RNF139: variants seen among roughly 807,000 people sequenced by gnomAD.
RNF139 encodes the protein ring finger protein 139, also known as E3 ubiquitin-protein ligase RNF139.
A neutral mutation model predicts 49.5 loss-of-function variants in RNF139; 15 were observed. The observed-to-expected ratio is 0.30, with a 90% CI of 0.20 to 0.47. The LOEUF is 0.47. RNF139 is among the 20% of genes least tolerant of loss of function. The pLI is 1.00. For synonymous variants in RNF139, 325 were observed against 300.9 expected (o/e 1.08, Z -0.83); for missense variants, 619 against 806.3 (o/e 0.77, Z 2.81).
At chr8:124,482,899 C>T (rs907881430) in intron 1 of RNF139, among the ~76,000 whole-genome samples, 1 of 135,598 alleles carries the variant, frequency 7.4e-6, no homozygotes, top group Admixed American at 8.1e-5. Flanking sequence ...GCACTCCAGC[C>T]TGGGCAACAG....
At position 124,483,095 on chromosome 8, in the gene RNF139, A is replaced by AT. The variant is rs1563631394; in HGVS notation, c.182-2736_182-2735insT. ...ATATTATTTAAATATATATATATTT[A>AT]AAAATATATATATTAAAAATATATA... is the stretch of plus-strand genomic sequence containing the variant. On this transcript the variant is annotated intron_variant, in intron 1 of 1. Transcript: ENST00000303545. Among the ~76,000 whole-genome samples the AT allele has an allele frequency of 5.6e-3, 17 of 3,050 alleles. 1 individual carries two copies. The highest frequency in any genetic ancestry group is 0.01 in the Admixed American group (2 of 200). The allele number at this position is 3,050 out of a possible 152,430, so 2.0% of individuals were successfully genotyped here.
chr8:124,488,494 T>C lies in RNF139; in HGVS notation c.*850T>C. On this transcript the variant is annotated 3_prime_UTR_variant, in exon 2 of 2. Coordinates refer to ENST00000303545, the MANE Select transcript of RNF139 (RefSeq NM_007218.4). The stretch of plus-strand genomic sequence containing the variant: ...GAATGGTGTGTACCGATATATAGTA[T>C]TTCTTTAGACAACTTGCAGATAATT... 1 of 648,650 alleles carries C rather than the reference T, an allele frequency of 1.5e-6. No individual in the cohort carries two copies. The highest frequency in any genetic ancestry group is 2.7e-6 in the Non-Finnish European group (1 of 368,120). The allele number at this position is 648,650 out of a possible 1,614,324, so 40.2% of individuals were successfully genotyped here.
chr8:124,486,073 G>A lies in RNF139; in HGVS notation c.424G>A (p.Val142Ile), dbSNP rs760055103. ...VLQLTFGIGY[V>I]TLLQIHSIYS... ...ACAGCTAACATTTGGAATTGGATAC[G>A]TTACACTACTCCAGATTCATTCCAT... Residue 142 changes from valine (V) to isoleucine (I), a missense_variant, in exon 2 of 2, where the codon GTT becomes ATT. By Grantham distance (29) the Val-to-Ile change is conservative (BLOSUM62 3). Coordinates refer to ENST00000303545, the MANE Select transcript of RNF139 (RefSeq NM_007218.4). The A allele has an allele frequency of 1.1e-5, 18 of 1,613,996 alleles. No individual in the cohort carries two copies. The highest frequency in any genetic ancestry group is 9.3e-5 in the African/African-American group (7 of 74,906).
chr8:124,475,847 C>A (rs1245233232), intron 1 of RNF139, among the ~76,000 whole-genome samples: 1 of 152,138 alleles, frequency 6.6e-6, no homozygotes, highest in African/African-American at 2.4e-5. Context: ...CTCATGAAAG[C>A]GGCGATGCTT....
At chr8:124,477,348 A>C (rs934371476) in intron 1 of RNF139, among the ~76,000 whole-genome samples, 16 of 152,234 alleles carry the variant, frequency 1.1e-4, no homozygotes, top group African/African-American at 3.6e-4. Flanking sequence ...TAAAAGACAC[A>C]GGTTTGTGTG....
Position 124,475,175 on chromosome 8 carries a change from C to G in RNF139, c.66C>G (p.Leu22=). ...RMAHQQVWAA[L]EVALRVPCLY... is the part of the protein sequence containing the mutation. ...CCCATCAGCAGGTCTGGGCGGCGCT[C>G]GAAGTGGCGCTCCGGGTGCCCTGCC... The change falls in exon 1 of 2, where the codon CTC becomes CTG. Residue 22 remains leucine (L), a synonymous_variant. Transcript: ENST00000303545. 2.5e-6 allele frequency: 4 copies of G among 1,613,706 alleles called. No homozygotes were observed. The highest frequency in any genetic ancestry group is 3.4e-6 in the Non-Finnish European group (4 of 1,179,984).
Position 124,486,607 on chromosome 8 carries a change from G to A in RNF139, c.958G>A (p.Asp320Asn), listed in dbSNP as rs1043019560. 1.7e-5 allele frequency: 27 copies of A among 1,614,042 alleles called. No individual in the cohort carries two copies. The highest frequency in any genetic ancestry group is 2.3e-5 in the Non-Finnish European group (27 of 1,180,024). ...CTTTATTGGATCAACTGAGGAAGAT[G>A]ACAGGCGTCTTGGCTTTGTTGCACC... is the stretch of plus-strand genomic sequence containing the variant. ...LAFIGSTEEDDRRLGFVAPVL... is the reference protein window; with the variant it reads ...LAFIGSTEEDNRRLGFVAPVL... Residue 320 changes from aspartate (D) to asparagine (N), a missense_variant, in exon 2 of 2, where the codon GAC (aspartate) becomes AAC (asparagine). Coordinates refer to ENST00000303545, the MANE Select transcript of RNF139 (RefSeq NM_007218.4).
rs1465528181 is a variant in RNF139, at chr8:124,486,472, G to A, written c.823G>A (p.Asp275Asn). Residue 275 changes from aspartate (D) to asparagine (N), a missense_variant, in exon 2 of 2, where the codon GAC (aspartate) becomes AAC (asparagine). Physicochemically the swap from Asp to Asn is conservative, Grantham distance 23. Coordinates refer to ENST00000303545, the MANE Select transcript of RNF139 (RefSeq NM_007218.4). ...SFFISWDDFW[D>N]LICNLIISGC... ...CTTTATTTCTTGGGATGATTTTTGG[G>A]ACCTCATTTGCAATCTTATAATTAG... 1.9e-6 allele frequency: 3 copies of A among 1,613,916 alleles called. No homozygotes were observed. The highest frequency in any genetic ancestry group is 3.3e-5 in the Admixed American group (2 of 59,986).
At position 124,479,679 on chromosome 8, in the gene RNF139, G is replaced by A. The variant is rs62527885; in HGVS notation, c.181+4389G>A. Among the ~76,000 whole-genome samples the A allele has an allele frequency of 8.3e-3, 1,266 of 152,206 alleles. 10 individuals carry two copies. The highest frequency in any genetic ancestry group is 0.013 in the Non-Finnish European group (912 of 68,022). ...ACACCCCAGTGTGACAGCCAAAACT[G>A]TCCCTGGATATTGCCAAATCATGGT... On this transcript the variant is annotated intron_variant, in intron 1 of 1. Transcript: ENST00000303545.
At chr8:124,484,047 T>C (rs1816492373) in intron 1 of RNF139, among the ~76,000 whole-genome samples, 1 of 152,204 alleles carries the variant, frequency 6.6e-6, no homozygotes, top group South Asian at 2.1e-4. Flanking sequence ...CACTAAGTTC[T>C]GCAGGTATGC....
rs1177695161 is a variant in RNF139, at chr8:124,488,005, T to G, written c.*361T>G. On this transcript the variant is annotated 3_prime_UTR_variant, in exon 2 of 2. Coordinates refer to ENST00000303545, the MANE Select transcript of RNF139 (RefSeq NM_007218.4). Reference sequence around the variant, plus strand: ...TATAATGTAACTTTGGACCTCAGTTTTTCTTTAGAAATGGGTGGGAGAATG... The same window carrying G: ...TATAATGTAACTTTGGACCTCAGTTGTTCTTTAGAAATGGGTGGGAGAATG... 1.2e-5 allele frequency: 2 copies of G among 172,536 alleles called. No homozygotes were observed. Among genetic ancestry groups the G allele is most frequent in the African/African-American group, 4.7e-5 (2 of 42,126 alleles). 10.7% of individuals were successfully genotyped at this position (172,536 alleles called of 1,614,324 possible). A position where few individuals can be genotyped will look rare whatever the true frequency, so the allele number is the denominator to read the frequency against.
At chr8:124,483,550 T>A (rs1408652313) in intron 1 of RNF139, 2 of 152,134 alleles carry the variant, frequency 1.3e-5, no homozygotes. Flanking sequence ...TTCTCCCACC[T>A]CAACCCCCTG....
At chr8:124,481,963 C>A (rs373533668) in intron 1 of RNF139, among the ~76,000 whole-genome samples, 2 of 152,008 alleles carry the variant, frequency 1.3e-5, no homozygotes, top group Admixed American at 6.6e-5. Context: ...TAGGTAGGAA[C>A]GTGACTATAA....
chr8:124,484,405 G>T (rs545541900), intron 1 of RNF139, among the ~76,000 whole-genome samples: 2 of 152,184 alleles, frequency 1.3e-5, no homozygotes, highest in East Asian at 3.9e-4. Flanking sequence ...AGGGTTTTTT[G>T]AGACAGACTG....
intron 1 of RNF139, among the ~76,000 whole-genome samples, chr8:124,479,663 T>C (rs1324122445): frequency 6.6e-6 from 1 of 152,130 alleles, no homozygotes; most frequent in African/African-American, 2.4e-5. Context: ...CACACCCCAG[T>C]GTGACAGCCA....
intron 1 of RNF139, among the ~76,000 whole-genome samples, chr8:124,479,661 A>G (rs546049367): frequency 6.6e-6 from 1 of 152,250 alleles, no homozygotes; most frequent in South Asian, 2.1e-4. Flanking sequence ...CCCACACCCC[A>G]GTGTGACAGC....
At chr8:124,477,214 G>A (rs1048641396) in intron 1 of RNF139, among the ~76,000 whole-genome samples, 2 of 152,136 alleles carry the variant, frequency 1.3e-5, no homozygotes, top group African/African-American at 4.8e-5. Flanking sequence ...TGAGAAATAC[G>A]AAATACTCTT....
rs766346155 is a variant in RNF139, at chr8:124,486,867, C to T, written c.1218C>T (p.Leu406=). The change falls in exon 2 of 2, where the codon CTC becomes CTT. Residue 406 remains leucine, a synonymous_variant. Transcript: ENST00000303545. Reference sequence around the variant, plus strand: ...GCCTGTTTATTCTTCCTGTCTTACTCAGTTATGTTCTTTGGCATCACTATG... The same window carrying T: ...GCCTGTTTATTCTTCCTGTCTTACTTAGTTATGTTCTTTGGCATCACTATG... ...SACLFILPVL[L]SYVLWHHYAL... is the part of the protein sequence containing the mutation. The T allele has an allele frequency of 9.3e-6, 15 of 1,613,908 alleles. No homozygotes were observed. In the Admixed American group the frequency reaches 2.3e-4, roughly 25 times the overall value.
At chr8:124,477,734 C>T (rs1204243639) in intron 1 of RNF139, among the ~76,000 whole-genome samples, 1 of 152,088 alleles carries the variant, frequency 6.6e-6, no homozygotes, top group East Asian at 1.9e-4. Context: ...AAATACTAAA[C>T]GAAACTCAAC....
Sources: allele counts gnomAD v4.1 joint callset (sites outside exome capture counted in the v4.1 genomes callset), GRCh38; gene constraint gnomAD v4.1.1; transcripts MANE v1.5; gene names NCBI Gene and HGNC (gene_info 2026-07-23, HGNC 2026-07-21).